The following DIDO1 variants were observed in gnomAD, a reference collection of about 807,000 sequenced individuals.
DIDO1 encodes death inducer-obliterator 1.
Under a neutral mutation model 99.4 loss-of-function variants are expected in DIDO1, and 16 were observed. The ratio of observed to expected loss-of-function variants is 0.16; its 90% CI spans 0.11 to 0.24. The LOEUF (loss-of-function observed/expected upper bound fraction) is 0.24. DIDO1 is among the 10% of genes least tolerant of loss of function. DIDO1 has a pLI of 1.00. For synonymous variants in DIDO1, 1,366 were observed against 1,239.1 expected (o/e 1.10, Z -2.15); for missense variants, 2,996 against 3,014.0 (o/e 0.99, Z 0.14).
intron 6 of DIDO1, 95 bp from the exon 7 acceptor site, chr20:62,897,091 G>T: frequency 1.8e-6 from 2 of 1,118,576 alleles, no homozygotes; most frequent in Non-Finnish European, 2.5e-6. Flanking sequence ...ACCTGTAAGT[G>T]CCCACCTGGC....
intron 6 of DIDO1, 69 bp downstream of exon 6, chr20:62,905,817 CA>C: frequency 6.2e-7 from 1 of 1,613,936 alleles, no homozygotes; most frequent in South Asian, 1.1e-5. Flanking sequence ...CAGTCCTGGA[CA>C]GGCCCAGGGG....
chr20:62,897,149 T>C (rs541224030), intron 6 of DIDO1, among the ~76,000 whole-genome samples, 153 bp from the exon 7 acceptor site: 14 of 152,336 alleles, frequency 9.2e-5, no homozygotes, highest in South Asian at 8.3e-4. Context: ...AAAATGTTAG[T>C]GTTCAGAGGA....
chr20:62,929,793 A>C (rs2065312793), upstream of DIDO1, among the ~76,000 whole-genome samples: 1 of 136,488 alleles, frequency 7.3e-6, no homozygotes, highest in Non-Finnish European at 1.6e-5. Context: ...AATTTTCTTT[A>C]CTTTTACGTT....
At chr20:62,891,572 A>G (rs1037030421) in intron 14 of DIDO1, among the ~76,000 whole-genome samples, 1 of 152,206 alleles carries the variant, frequency 6.6e-6, no homozygotes, top group Non-Finnish European at 1.5e-5. Context: ...TCAAGAGCCC[A>G]GGTTGAGTGC....
chr20:62,882,303 A>T lies in DIDO1; in HGVS notation c.3653T>A (p.Leu1218His). Residue 1218 changes from leucine (L) to histidine (H), a missense_variant, in exon 16 of 16, where the codon CTT becomes CAT. By Grantham distance (99) the Leu-to-His change is moderately conservative. Coordinates refer to ENST00000395343, the MANE Select transcript of DIDO1 (RefSeq NM_001193369.2). Reference protein sequence around the residue: ...LDKMDEKRTRLQPEEADVPAY... With the variant: ...LDKMDEKRTRHQPEEADVPAY... ...CGGAACGTCCGCTTCTTCCGGTTGAAGTCGGGTCCGCTTTTCGTCCATCTT... is the reference window on the plus strand; with the variant it reads ...CGGAACGTCCGCTTCTTCCGGTTGATGTCGGGTCCGCTTTTCGTCCATCTT... 2 of 1,614,020 alleles carry T rather than the reference A, an allele frequency of 1.2e-6. No individual in the cohort carries two copies. Among genetic ancestry groups the T allele is most frequent in the Middle Eastern group, 3.3e-4 (2 of 6,062 alleles).
rs1219193153 is a variant in DIDO1 at position 62,881,079 on chromosome 20, G to A, written c.4877C>T (p.Pro1626Leu). Residue 1626 changes from proline to leucine, a missense_variant, in exon 16 of 16, where the codon CCA becomes CTA. Physicochemically the swap from Pro to Leu is moderately conservative, Grantham distance 98. Transcript: ENST00000395343. This position sits in a 1 kb window ranked among gnomAD's most constrained non-coding sequence, Gnocchi z 8.3. ...SSPWASGEKP[P>L]AGSEQDGWKA... ...CCAGCCGTCCTGCTCGGACCCCGCT[G>A]GGGGCTTTTCGCCCGAAGCCCAGGG... The A allele has an allele frequency of 6.2e-7, 1 of 1,608,962 alleles. No homozygotes were observed.
chr20:62,899,298 A>G (rs906288603), intron 6 of DIDO1, among the ~76,000 whole-genome samples: 7 of 152,252 alleles, frequency 4.6e-5, no homozygotes, highest in Non-Finnish European at 1.5e-5. Context: ...AAACCTCGGC[A>G]AAATGCCTTG....
In DIDO1 at chr20:62,890,671, G is replaced by A. The variant is rs533650262; in HGVS notation, c.3541+289C>T. ...TTTCTGGCTGAGCCTTGGGCTTCTG[G>A]GCACTGAGTCTTCTCTGACCTGAGG... On this transcript the variant is annotated intron_variant, in intron 15 of 15. Coordinates refer to ENST00000395343, the MANE Select transcript of DIDO1 (RefSeq NM_001193369.2). 82 of 1,270,594 alleles carry A rather than the reference G, an allele frequency of 6.5e-5. 1 individual carries two copies. In the South Asian group the frequency reaches 1.4e-3, roughly 22 times the overall value. The allele number at this position is 1,270,594 out of a possible 1,614,324, so 78.7% of individuals were successfully genotyped here. A position where few individuals can be genotyped will look rare whatever the true frequency, so the allele number is the denominator to read the frequency against.
At chr20:62,922,168 GCT>G (rs776540888) in intron 1 of DIDO1, among the ~76,000 whole-genome samples, 25 of 145,062 alleles carry the variant, frequency 1.7e-4, no homozygotes, top group South Asian at 8.7e-4. Flanking sequence ...ACAATGCCCG[GCT>G]CTTTTATATG....
intron 15 of DIDO1, among the ~76,000 whole-genome samples, chr20:62,885,704 C>A (rs1292250163): frequency 6.6e-6 from 1 of 152,228 alleles, no homozygotes; most frequent in Non-Finnish European, 1.5e-5. Flanking sequence ...AAAAGGCACA[C>A]CCGCTGTGAA....
At chr20:62,882,830 G>A (rs541325309) in intron 15 of DIDO1, among the ~76,000 whole-genome samples, 1 of 152,122 alleles carries the variant, frequency 6.6e-6, no homozygotes, top group South Asian at 2.1e-4. Flanking sequence ...AGGGTGAAAA[G>A]GGCATTGTCG....
rs1048836631 is a variant in DIDO1, at chr20:62,880,675, A to T, written c.5281T>A (p.Leu1761Met). 1.9e-6 allele frequency: 3 copies of T among 1,612,720 alleles called. No homozygotes were observed. Among genetic ancestry groups the T allele is most frequent in the Non-Finnish European group, 1.7e-6 (2 of 1,179,940 alleles). ...GGGCCGTGAAGCCCTGACATCCCCA[A>T]AGCATGAGGTCCAGGTTCCCGCTGA... is the stretch of plus-strand genomic sequence containing the variant. ...QGQREPGPHALGMSGLHGPNF... is the reference protein window; with the variant it reads ...QGQREPGPHAMGMSGLHGPNF... The change falls in exon 16 of 16, where the codon TTG (leucine) becomes ATG (methionine). Residue 1761 changes from leucine (L) to methionine (M), a missense_variant. Physicochemically the swap from Leu to Met is conservative, Grantham distance 15. This residue lies in a region of DIDO1 where 1,562 missense variants were observed against 1,412.6 expected (regional missense o/e 1.11). Transcript: ENST00000395343.
rs772275881 is a variant in DIDO1, at chr20:62,909,858, A to T, written c.1002T>A (p.Asp334Glu). The change falls in exon 4 of 16, where the codon GAT becomes GAA. Residue 334 changes from aspartate to glutamate, a missense_variant. Physicochemically the swap from Asp to Glu is conservative, Grantham distance 45. Around this residue, in one of 5 missense-constraint regions of DIDO1, gnomAD observed 898 missense variants for 972.7 expected, o/e 0.92. Coordinates refer to ENST00000395343, the MANE Select transcript of DIDO1 (RefSeq NM_001193369.2). The part of the protein sequence containing the change: ...VQDETHSETA[D>E]QQEAKWRPGD... ...CAGGTCTCCATTTAGCTTCCTGCTG[A>T]TCTGCCGTTTCTGAATGAGTCTCAT... 2.1e-5 allele frequency: 34 copies of T among 1,614,046 alleles called. No individual in the cohort carries two copies. The highest frequency in any genetic ancestry group is 2.8e-5 in the Non-Finnish European group (33 of 1,180,032).
chr20:62,904,398 C>T (rs1402245597), intron 6 of DIDO1, among the ~76,000 whole-genome samples: 1 of 152,104 alleles, frequency 6.6e-6, no homozygotes, highest in African/African-American at 2.4e-5. Flanking sequence ...ATTTTATGTG[C>T]GGCTCAATTT....
chr20:62,890,910 G>A, intron 15 of DIDO1, 50 bp downstream of exon 15: 2 of 1,612,150 alleles, frequency 1.2e-6, no homozygotes, highest in African/African-American at 2.7e-5. Flanking sequence ...GTGGGAGGAG[G>A]GGTGCAGGTG....
chr20:62,896,203 T>C lies in DIDO1; in HGVS notation c.2214+30A>G. The C allele has an allele frequency of 6.2e-7, 1 of 1,604,514 alleles. No individual in the cohort carries two copies. Among genetic ancestry groups the C allele is most frequent in the South Asian group, 1.1e-5 (1 of 90,332 alleles). ...TAGCACCCAGCGAACAGAACAGGAATACTCCAATGCACCGACACCAGGCAC... is the reference window on the plus strand; with the variant it reads ...TAGCACCCAGCGAACAGAACAGGAACACTCCAATGCACCGACACCAGGCAC... On this transcript the variant is annotated intron_variant, in intron 8 of 15. Transcript: ENST00000395343. The surrounding 1 kb of genome is among the most constrained non-coding windows in gnomAD (Gnocchi z 4.4).
Position 62,881,304 on chromosome 20 carries a change from G to A in DIDO1, c.4652C>T (p.Ala1551Val). ...SADKPASLPP[A>V]SQASNHRDPR... ...GTCCCTGTGGTTTGACGCCTGGCTGGCGGGGGGCAGTGAGGCGGGCTTGTC... is the reference window on the plus strand; with the variant it reads ...GTCCCTGTGGTTTGACGCCTGGCTGACGGGGGGCAGTGAGGCGGGCTTGTC... The change falls in exon 16 of 16, where the codon GCC becomes GTC. Residue 1551 changes from alanine to valine, a missense_variant. Coordinates refer to ENST00000395343, the MANE Select transcript of DIDO1 (RefSeq NM_001193369.2). The surrounding 1 kb of genome is among the most constrained non-coding windows in gnomAD (Gnocchi z 8.3). 6.2e-7 allele frequency: 1 copy of A among 1,604,890 alleles called. No individual in the cohort carries two copies. The highest frequency in any genetic ancestry group is 8.5e-7 in the Non-Finnish European group (1 of 1,179,894).
intron 1 of DIDO1, among the ~76,000 whole-genome samples, chr20:62,931,792 G>C (rs1248557562): frequency 6.6e-6 from 1 of 152,156 alleles, no homozygotes; most frequent in Non-Finnish European, 1.5e-5. Context: ...GGTAAGGATA[G>C]GGCTACAATT....
At position 62,896,807 on chromosome 20, in the gene DIDO1, G is replaced by A. The variant is rs1212824718; in HGVS notation, c.1778C>T (p.Thr593Ile). ...GGAGAGCCATGGCCTCTTGGGGATGGTGCCCTTGAAACCTGAGGGTGGCTT... is the reference window on the plus strand; with the variant it reads ...GGAGAGCCATGGCCTCTTGGGGATGATGCCCTTGAAACCTGAGGGTGGCTT... ...IKKPPSGFKG[T>I]IPKRPWLSAT... Residue 593 changes from threonine (T) to isoleucine (I), a missense_variant, in exon 7 of 16, where the codon ACC becomes ATC. By Grantham distance (89) the Thr-to-Ile change is moderately conservative (BLOSUM62 -1). Transcript: ENST00000395343. The surrounding 1 kb of genome is among the most constrained non-coding windows in gnomAD (Gnocchi z 4.4). The A allele has an allele frequency of 6.2e-7, 1 of 1,614,188 alleles. No individual in the cohort carries two copies. The highest frequency in any genetic ancestry group is 1.7e-5 in the Admixed American group (1 of 60,032).
Sources: allele counts gnomAD v4.1 joint callset (sites outside exome capture counted in the v4.1 genomes callset), GRCh38; gene constraint gnomAD v4.1.1; regional missense constraint gnomAD v4.1.1; non-coding constraint Gnocchi (gnomAD v3.1); transcripts MANE v1.5; gene names NCBI Gene and HGNC (gene_info 2026-07-23, HGNC 2026-07-21).